The following TMEM178B variants were observed in gnomAD, a reference collection of about 807,000 sequenced individuals.
TMEM178B encodes transmembrane protein 178B.
TMEM178B carries 5 observed loss-of-function variants against 31.0 expected under a neutral mutation model. That is an observed-to-expected ratio of 0.16 (90% CI 0.08 to 0.34). The LOEUF (loss-of-function observed/expected upper bound fraction) is 0.34. TMEM178B is among the 10% of genes least tolerant of loss of function. The pLI, the probability that TMEM178B is intolerant of heterozygous loss-of-function variation, is 1.00. For missense variants in TMEM178B, 275 were observed against 400.3 expected (o/e 0.69, Z 2.67); for synonymous variants, 164 against 164.0 (o/e 1.00, Z 0.00).
intron 2 of TMEM178B, among the ~76,000 whole-genome samples, chr7:141,411,307 T>C (rs1043842238): frequency 6.6e-6 from 1 of 152,182 alleles, no homozygotes; most frequent in African/African-American, 2.4e-5. Context: ...GGACAGAATT[T>C]TAGTTCGGGA....
intron 2 of TMEM178B, among the ~76,000 whole-genome samples, chr7:141,265,910 C>T (rs1299487234): frequency 6.6e-6 from 1 of 152,140 alleles, no homozygotes; most frequent in African/African-American, 2.4e-5. Flanking sequence ...TCTGGGTTTC[C>T]CCAGCTGAAG....
intron 1 of TMEM178B, among the ~76,000 whole-genome samples, chr7:141,103,484 A>G (rs907326272): frequency 2.0e-5 from 3 of 152,214 alleles, no homozygotes; most frequent in African/African-American, 7.2e-5. Flanking sequence ...TTACACTATA[A>G]TCTATTGATT....
At chr7:141,412,076 C>A (rs1420345977) in intron 2 of TMEM178B, among the ~76,000 whole-genome samples, 1 of 152,094 alleles carries the variant, frequency 6.6e-6, no homozygotes, top group Non-Finnish European at 1.5e-5. Flanking sequence ...CCTTCATAGT[C>A]CTGTATCCCC....
chr7:141,207,530 C>T (rs1431711245), intron 1 of TMEM178B, among the ~76,000 whole-genome samples: 3 of 152,174 alleles, frequency 2.0e-5, no homozygotes, highest in Non-Finnish European at 4.4e-5. Flanking sequence ...TCGCATTTCC[C>T]TGATGATTAG....
the TMEM178B span, among the ~76,000 whole-genome samples, chr7:141,487,741 CAAAA>C: frequency 1.8e-3 from 53 of 30,258 alleles, no homozygotes; most frequent in African/African-American, 3.8e-3. Context: ...GACTCCGTCT[CAAAA>C]AAAAAAAAAA....
intron 3 of TMEM178B, among the ~76,000 whole-genome samples, chr7:141,448,277 A>T (rs1801798490): frequency 6.6e-6 from 1 of 152,142 alleles, no homozygotes; most frequent in African/African-American, 2.4e-5. Flanking sequence ...GGGAGGGAGT[A>T]AGATCAGAAT....
In TMEM178B at chr7:141,473,548, T is replaced by C. The variant is rs1426430235; in HGVS notation, c.*2762T>C. 1 of 152,222 alleles carries C rather than the reference T, an allele frequency of 6.6e-6. No homozygotes were observed. The highest frequency in any genetic ancestry group is 1.5e-5 in the Non-Finnish European group (1 of 68,044). The allele number at this position is 152,222 out of a possible 1,614,324, so 9.4% of individuals were successfully genotyped here. A position where few individuals can be genotyped will look rare whatever the true frequency, so the allele number is the denominator to read the frequency against. On this transcript the variant is annotated 3_prime_UTR_variant, in exon 4 of 4. Coordinates refer to ENST00000565468, the MANE Select transcript of TMEM178B (RefSeq NM_001195278.2). ...TTCAATGAATAGATTATCTGCTCTA[T>C]CCAATTATTGTCTTTGTGACAGACA...
At chr7:141,190,033 T>A (rs1035228494) in intron 1 of TMEM178B, among the ~76,000 whole-genome samples, 4 of 152,310 alleles carry the variant, frequency 2.6e-5, no homozygotes, top group Middle Eastern at 6.8e-3. Flanking sequence ...AATCAACATT[T>A]AAAAAATAGG....
intron 2 of TMEM178B, among the ~76,000 whole-genome samples, chr7:141,225,396 C>A (rs1339509969): frequency 6.6e-6 from 1 of 151,532 alleles, no homozygotes; most frequent in African/African-American, 2.4e-5. Flanking sequence ...CTCAGTTTTT[C>A]TTTTTCATTT....
At chr7:141,493,351 G>A in the TMEM178B span, among the ~76,000 whole-genome samples, 184 of 152,324 alleles carry the variant, frequency 1.2e-3, no homozygotes, top group African/African-American at 3.9e-3. Context: ...GGACAGAGAC[G>A]ATGCCCTACA....
chr7:141,157,073 T>C (rs113434646), intron 1 of TMEM178B, among the ~76,000 whole-genome samples: 17 of 152,200 alleles, frequency 1.1e-4, no homozygotes, highest in African/African-American at 3.9e-4. Flanking sequence ...CTCTTAGCAG[T>C]GGTGAAAGTG....
intron 1 of TMEM178B, among the ~76,000 whole-genome samples, chr7:141,121,504 T>C (rs936637226): frequency 6.6e-6 from 1 of 152,234 alleles, no homozygotes; most frequent in African/African-American, 2.4e-5. Flanking sequence ...AGATCACCTC[T>C]TCCATGAGTG....
intron 2 of TMEM178B, among the ~76,000 whole-genome samples, chr7:141,216,111 G>A (rs1245110184): frequency 6.6e-6 from 1 of 151,962 alleles, no homozygotes; most frequent in African/African-American, 2.4e-5. Flanking sequence ...GATTACAGGT[G>A]TGAGCCACTG....
chr7:141,092,424 G>A lies in TMEM178B; in HGVS notation c.382+17732G>A, dbSNP rs960716675. Among the ~76,000 whole-genome samples the A allele has an allele frequency of 3.3e-5, 5 of 152,208 alleles. 1 individual carries two copies. The highest frequency in any genetic ancestry group is 5.9e-5 in the Non-Finnish European group (4 of 68,042). Reference sequence around the variant, plus strand: ...CACTTACAGTCTACCTGTGCAAAATGTACTTATGTACAGGTGAGGTCCTAG... The same window carrying A: ...CACTTACAGTCTACCTGTGCAAAATATACTTATGTACAGGTGAGGTCCTAG... On this transcript the variant is annotated intron_variant, in intron 1 of 3. Transcript: ENST00000565468.
intron 2 of TMEM178B, among the ~76,000 whole-genome samples, chr7:141,413,874 C>T (rs534768584): frequency 2.0e-5 from 3 of 152,084 alleles, no homozygotes; most frequent in South Asian, 2.1e-4. Flanking sequence ...CCACAGAAAA[C>T]GATAAAGAGG....
intron 2 of TMEM178B, among the ~76,000 whole-genome samples, chr7:141,232,553 A>G (rs1261573862): frequency 6.6e-6 from 1 of 152,216 alleles, no homozygotes; most frequent in Non-Finnish European, 1.5e-5. Context: ...CATTTCTCAA[A>G]TGATCAGTGA....
chr7:141,248,368 G>A (rs940898953), intron 2 of TMEM178B, among the ~76,000 whole-genome samples: 1 of 152,116 alleles, frequency 6.6e-6, no homozygotes, highest in African/African-American at 2.4e-5. Context: ...CCGAGATTGC[G>A]CCACTGCACT....
chr7:141,481,916 G>A (rs529225530), downstream of TMEM178B, among the ~76,000 whole-genome samples: 9 of 152,224 alleles, frequency 5.9e-5, no homozygotes, highest in South Asian at 8.3e-4. Context: ...TGGGGAAGAC[G>A]TTCTCACCAG....
At chr7:141,278,692 A>G (rs942834485) in intron 2 of TMEM178B, among the ~76,000 whole-genome samples, 1 of 152,204 alleles carries the variant, frequency 6.6e-6, no homozygotes, top group African/African-American at 2.4e-5. Flanking sequence ...GAGCAATTCC[A>G]TCATTTATTC....
Sources: allele counts gnomAD v4.1 joint callset (sites outside exome capture counted in the v4.1 genomes callset), GRCh38; gene constraint gnomAD v4.1.1; transcripts MANE v1.5; gene names NCBI Gene and HGNC (gene_info 2026-07-23, HGNC 2026-07-21).